ERBB4: variants seen among roughly 807,000 people sequenced by gnomAD.
The protein encoded by ERBB4 is erb-b2 receptor tyrosine kinase 4, also known as receptor tyrosine-protein kinase erbB-4.
ERBB4 carries 42 observed loss-of-function variants against 158.0 expected under a neutral mutation model. The ratio of observed to expected loss-of-function variants is 0.27; its 90% CI spans 0.21 to 0.34. The LOEUF (loss-of-function observed/expected upper bound fraction) is 0.34. Ranked by LOEUF, ERBB4 falls within the 10% of genes least tolerant of loss-of-function variation. ERBB4 has a pLI of 1.00. For missense variants in ERBB4, 1,333 were observed against 1,624.1 expected (o/e 0.82, Z 3.08); for synonymous variants, 583 against 558.7 (o/e 1.04, Z -0.61).
At chr2:211,578,792 CA>C (rs1426175137) in intron 19 of ERBB4, among the ~76,000 whole-genome samples, 1 of 152,132 alleles carries the variant, frequency 6.6e-6, no homozygotes, top group East Asian at 1.9e-4. Flanking sequence ...ACACCTTATA[CA>C]AAAACTACCT....
intron 2 of ERBB4, among the ~76,000 whole-genome samples, chr2:211,995,687 A>G (rs2082185129): frequency 6.6e-6 from 1 of 152,136 alleles, no homozygotes; most frequent in African/African-American, 2.4e-5. Context: ...TACTGCTTGT[A>G]TCTCAGGTAC....
intron 1 of ERBB4, among the ~76,000 whole-genome samples, chr2:212,259,896 C>G (rs1468555567): frequency 6.6e-6 from 1 of 151,754 alleles, no homozygotes; most frequent in East Asian, 1.9e-4. Context: ...ATGGTAAAAC[C>G]CTGTCTGTAC....
At chr2:212,526,551 A>G (rs1215871062) in intron 1 of ERBB4, among the ~76,000 whole-genome samples, 1 of 152,034 alleles carries the variant, frequency 6.6e-6, no homozygotes, top group East Asian at 1.9e-4. Flanking sequence ...GGGCTGCTAA[A>G]TTTGAAGTTA....
chr2:212,218,439 T>C (rs2083178137), intron 1 of ERBB4, among the ~76,000 whole-genome samples: 1 of 151,304 alleles, frequency 6.6e-6, no homozygotes, highest in African/African-American at 2.4e-5. Context: ...GTTTGTTTGT[T>C]TGCATCCTTG....
At position 212,221,961 on chromosome 2, in the gene ERBB4, G is replaced by A. The variant is rs547934366; in HGVS notation, c.83-97058C>T. ...CAGCTTCTTAATTCTCTTTTTCAAA[G>A]TATCCACATCTACAGTATCCGTATG... On this transcript the variant is annotated intron_variant, in intron 1 of 27. Coordinates refer to ENST00000342788, the MANE Select transcript of ERBB4 (RefSeq NM_005235.3). 5.3e-5 allele frequency among the ~76,000 whole-genome samples: 8 copies of A among 151,524 alleles called. No individual in the cohort carries two copies. In the South Asian group the frequency reaches 1.7e-3, roughly 31 times the overall value.
At chr2:211,482,015 G>A (rs2065094837) in intron 20 of ERBB4, among the ~76,000 whole-genome samples, 1 of 152,122 alleles carries the variant, frequency 6.6e-6, no homozygotes, top group East Asian at 1.9e-4. Flanking sequence ...ACAGTGCAAG[G>A]AGAGGGAATC....
At chr2:212,187,617 C>G (rs1043644843) in intron 1 of ERBB4, among the ~76,000 whole-genome samples, 8 of 151,764 alleles carry the variant, frequency 5.3e-5, no homozygotes, top group African/African-American at 1.9e-4. Flanking sequence ...TTTTTAAGAG[C>G]CAGCATTTAA....
intron 1 of ERBB4, among the ~76,000 whole-genome samples, chr2:212,146,534 G>T (rs1009026320): frequency 2.6e-5 from 4 of 152,152 alleles, no homozygotes; most frequent in Admixed American, 1.3e-4. Context: ...TGAGGACCAA[G>T]TGTCGCCTGG....
At chr2:212,123,650 T>C (rs932397700) in intron 2 of ERBB4, among the ~76,000 whole-genome samples, 2 of 152,174 alleles carry the variant, frequency 1.3e-5, no homozygotes, top group Non-Finnish European at 2.9e-5. Flanking sequence ...GTTTTAAAAA[T>C]GGATATCATA....
chr2:211,561,886 A>C lies in ERBB4; in HGVS notation c.2487+17T>G. The stretch of plus-strand genomic sequence containing the variant: ...AACCTAAAAATGTAATTTCCATAGA[A>C]ATTGACAGGCACTTACCTTAGCTAT... On this transcript the variant is annotated intron_variant, in intron 20 of 27. Coordinates refer to ENST00000342788, the MANE Select transcript of ERBB4 (RefSeq NM_005235.3). 1 of 1,610,024 alleles carries C rather than the reference A, an allele frequency of 6.2e-7. No homozygotes were observed. Among genetic ancestry groups the C allele is most frequent in the Non-Finnish European group, 8.5e-7 (1 of 1,176,730 alleles).
At chr2:212,518,848 T>C (rs751356019) in intron 1 of ERBB4, among the ~76,000 whole-genome samples, 6 of 151,900 alleles carry the variant, frequency 3.9e-5, no homozygotes, top group African/African-American at 7.2e-5. Flanking sequence ...AGGGAGAAAG[T>C]AGGGCAGGGA....
intron 2 of ERBB4, among the ~76,000 whole-genome samples, chr2:212,110,753 C>A (rs1009874852): frequency 2.2e-4 from 33 of 152,322 alleles, no homozygotes; most frequent in African/African-American, 7.0e-4. Flanking sequence ...AAAGGTTAAG[C>A]CAGCCTCTTC....
At chr2:212,475,436 G>A (rs1689338389) in intron 1 of ERBB4, among the ~76,000 whole-genome samples, 1 of 152,086 alleles carries the variant, frequency 6.6e-6, no homozygotes, top group African/African-American at 2.4e-5. Context: ...CTATCTTTGT[G>A]TTCATTTTCC....
At chr2:212,398,410 C>T (rs1002365226) in intron 1 of ERBB4, among the ~76,000 whole-genome samples, 5 of 152,018 alleles carry the variant, frequency 3.3e-5, no homozygotes, top group Admixed American at 6.6e-5. Context: ...TTAAAGATTT[C>T]CACACTTCTC....
intron 20 of ERBB4, among the ~76,000 whole-genome samples, chr2:211,551,047 A>G (rs1284141748): frequency 6.6e-6 from 1 of 152,096 alleles, no homozygotes. Context: ...GGCTCCAGTG[A>G]TCCTCCCACT....
intron 1 of ERBB4, among the ~76,000 whole-genome samples, chr2:212,358,956 G>A (rs909142208): frequency 6.6e-6 from 1 of 151,706 alleles, no homozygotes; most frequent in South Asian, 2.1e-4. Context: ...TTTACTGCAT[G>A]AGTAACTGGT....
chr2:211,525,783 A>G (rs184205572), intron 20 of ERBB4, among the ~76,000 whole-genome samples: 1 of 152,220 alleles, frequency 6.6e-6, no homozygotes, highest in Non-Finnish European at 1.5e-5. Context: ...TGGGGCCTTA[A>G]GTGAACATCA....
intron 20 of ERBB4, among the ~76,000 whole-genome samples, chr2:211,519,421 C>A (rs988119841): frequency 6.6e-6 from 1 of 152,056 alleles, no homozygotes; most frequent in African/African-American, 2.4e-5. Context: ...CCTATCTCCT[C>A]CACTGCCATG....
chr2:211,988,935 T>C (rs2082003141), intron 2 of ERBB4, among the ~76,000 whole-genome samples: 1 of 152,078 alleles, frequency 6.6e-6, no homozygotes, highest in South Asian at 2.1e-4. Context: ...TATTTTTTTC[T>C]AAAATGAAAC....
Sources: gnomAD v4.1 joint callset for allele counts (sites outside exome capture counted in the v4.1 genomes callset) on GRCh38, gnomAD v4.1.1 for gene constraint, MANE v1.5 for transcripts, NCBI Gene and HGNC (gene_info 2026-07-23, HGNC 2026-07-21) for gene names.